Variants in G2E3 observed in about 807,000 individuals in gnomAD.
The protein encoded by G2E3 is G2/M-phase specific E3 ubiquitin protein ligase, also known as G2/M phase-specific E3 ubiquitin-protein ligase.
A neutral mutation model predicts 92.8 loss-of-function variants in G2E3; 35 were observed. The ratio of observed to expected loss-of-function variants is 0.38; its 90% confidence interval spans 0.29 to 0.50. The LOEUF is 0.50. Among genes scored for constraint, G2E3 ranks in the 20% least tolerant of loss-of-function variants. G2E3 has a pLI of 0.94. For missense variants in G2E3, 554 were observed against 823.8 expected, an observed-to-expected ratio of 0.67 and a Z score of 4.01; for synonymous variants, 242 against 272.4, an observed-to-expected ratio of 0.89 and a Z score of 1.10.
At chr14:30,568,109 G>A (rs541652964) in intron 1 of G2E3, among the ~76,000 whole-genome samples, 9 of 152,010 alleles carry the variant, frequency 5.9e-5, no homozygotes, top group Non-Finnish European at 8.8e-5. Context: ...AGGTGGGTTT[G>A]TGTTTATAAT....
At chr14:30,586,925 T>C in intron 3 of G2E3, 110 bp downstream of exon 3, 1 of 419,798 alleles carries the variant, frequency 2.4e-6, no homozygotes, top group East Asian at 3.7e-5. Flanking sequence ...TCTCCAGATC[T>C]CATTTTGTCT....
chr14:30,560,337 G>C (rs1013742137), intron 1 of G2E3: 1 of 154,080 alleles, frequency 6.5e-6, no homozygotes, highest in African/African-American at 2.4e-5. Flanking sequence ...TTTAACACCA[G>C]GATATTGTAC....
intron 2 of G2E3, among the ~76,000 whole-genome samples, chr14:30,585,364 C>G (rs1880651826): frequency 6.6e-6 from 1 of 152,104 alleles, no homozygotes; most frequent in African/African-American, 2.4e-5. Flanking sequence ...CACCTATGTT[C>G]TTTTGCATGT....
intron 2 of G2E3, among the ~76,000 whole-genome samples, chr14:30,581,698 T>A (rs1880444876): frequency 6.6e-6 from 1 of 151,956 alleles, no homozygotes; most frequent in Non-Finnish European, 1.5e-5. Flanking sequence ...CGAGACCCTG[T>A]ATCAAAAAAA....
intron 1 of G2E3, among the ~76,000 whole-genome samples, chr14:30,563,036 G>A (rs1265484494): frequency 6.6e-6 from 1 of 152,028 alleles, no homozygotes; most frequent in Non-Finnish European, 1.5e-5. Flanking sequence ...GTGGTCCCCC[G>A]GGCCCAGCTG....
At position 30,616,488 on chromosome 14, in the gene G2E3, C is replaced by T. The variant is rs1335711233; in HGVS notation, c.2075C>T (p.Thr692Ile). The change falls in exon 15 of 15, where the codon ACT becomes ATT. Residue 692 changes from threonine (T) to isoleucine (I), a missense_variant. Transcript: ENST00000206595. ...AATATGGACTTCACCATAAGAAACA[C>T]TCTAAGACTAGAAAAGGAAGAAAGT... is the stretch of plus-strand genomic sequence containing the variant. ...QENMDFTIRNTLRLEKEESSH... is the reference protein window; with the variant it reads ...QENMDFTIRNILRLEKEESSH... 1 of 1,602,164 alleles carries T rather than the reference C, an allele frequency of 6.2e-7. No homozygotes were observed. Among genetic ancestry groups the T allele is most frequent in the African/African-American group, 1.3e-5 (1 of 74,492 alleles).
intron 7 of G2E3, chr14:30,598,262 T>A: frequency 2.6e-6 from 1 of 390,712 alleles, no homozygotes; most frequent in South Asian, 2.5e-5. Context: ...GGCAGGCCCC[T>A]GTAATCCCAG....
At chr14:30,604,385 A>G (rs924315392) in intron 10 of G2E3, among the ~76,000 whole-genome samples, 2 of 152,262 alleles carry the variant, frequency 1.3e-5, no homozygotes, top group Admixed American at 6.5e-5. Flanking sequence ...ATCCATGGGC[A>G]TTGCCCAAAA....
chr14:30,561,705 G>A (rs916941946), intron 1 of G2E3, among the ~76,000 whole-genome samples: 1 of 152,160 alleles, frequency 6.6e-6, no homozygotes, highest in Non-Finnish European at 1.5e-5. Context: ...GACTGCCCTT[G>A]TCCTTTTAAT....
chr14:30,601,711 T>A, intron 8 of G2E3, 59 bp from the exon 9 acceptor site: 1 of 1,572,294 alleles, frequency 6.4e-7, no homozygotes, highest in Non-Finnish European at 8.8e-7. Context: ...TGGACATTGC[T>A]AGTGGTTGAA....
intron 6 of G2E3, among the ~76,000 whole-genome samples, chr14:30,594,608 G>T (rs527899952): frequency 1.3e-5 from 2 of 152,002 alleles, no homozygotes; most frequent in South Asian, 2.1e-4. Context: ...CGGGAGAATG[G>T]CATGAACCCG....
intron 2 of G2E3, among the ~76,000 whole-genome samples, chr14:30,583,513 G>A (rs531099337): frequency 3.2e-4 from 49 of 152,298 alleles, no homozygotes; most frequent in African/African-American, 1.1e-3. Context: ...GGTTACCAGC[G>A]GTTGGGAGGA....
intron 2 of G2E3, among the ~76,000 whole-genome samples, chr14:30,582,778 G>A (rs1880505137): frequency 6.6e-6 from 1 of 152,168 alleles, no homozygotes; most frequent in South Asian, 2.1e-4. Context: ...TAAAGGGTTA[G>A]GAGAGATACT....
chr14:30,574,000 T>C (rs1432363134), intron 1 of G2E3, among the ~76,000 whole-genome samples: 1 of 152,228 alleles, frequency 6.6e-6, no homozygotes, highest in Non-Finnish European at 1.5e-5. Context: ...AACCTTTTTT[T>C]ATTTTGAAAT....
At chr14:30,565,311 G>A (rs1879361867) in intron 1 of G2E3, among the ~76,000 whole-genome samples, 1 of 151,858 alleles carries the variant, frequency 6.6e-6, no homozygotes, top group South Asian at 2.1e-4. Context: ...TTTTTAAGTT[G>A]GATTACTTGT....
intron 1 of G2E3, among the ~76,000 whole-genome samples, chr14:30,580,543 A>G (rs1203219923): frequency 2.6e-5 from 4 of 152,206 alleles, no homozygotes; most frequent in African/African-American, 9.6e-5. Context: ...TACGAATGGC[A>G]TGGCTATTGA....
chr14:30,596,371 A>C (rs576302660), intron 6 of G2E3, among the ~76,000 whole-genome samples: 1 of 152,200 alleles, frequency 6.6e-6, no homozygotes, highest in African/African-American at 2.4e-5. Context: ...AGTCCCTATC[A>C]ATTTATTCTT....
chr14:30,608,100 C>G, intron 12 of G2E3, 31 bp downstream of exon 12: 1 of 1,266,286 alleles, frequency 7.9e-7, no homozygotes, highest in Non-Finnish European at 1.1e-6. Flanking sequence ...TTAAAATGCA[C>G]ACTACATTCT....
At chr14:30,560,067 C>G (rs971584193) in intron 1 of G2E3, 5 of 149,716 alleles carry the variant, frequency 3.3e-5, no homozygotes, top group Admixed American at 1.3e-4. Flanking sequence ...AAGTAATCCA[C>G]TAATGCTTTG....
Sources: gnomAD v4.1 joint callset for allele counts (sites outside exome capture counted in the v4.1 genomes callset) on GRCh38, gnomAD v4.1.1 for gene constraint, MANE v1.5 for transcripts, NCBI Gene and HGNC (gene_info 2026-07-23, HGNC 2026-07-21) for gene names.